Variants in XRCC4 observed in about 807,000 individuals in gnomAD.
XRCC4 encodes X-ray repair cross complementing 4.
In XRCC4, 28 loss-of-function variants were observed where a neutral mutation model predicts 39.1. The observed-to-expected ratio is 0.72, with a 90% CI of 0.53 to 0.98. The LOEUF is 0.98. Among genes scored for constraint, XRCC4 ranks in the 50% least tolerant of loss-of-function variants. XRCC4 has a pLI of 0.00. For missense variants in XRCC4, 350 were observed against 376.4 expected, an observed-to-expected ratio of 0.93 and a Z score of 0.58; for synonymous variants, 123 against 126.4, an observed-to-expected ratio of 0.97 and a Z score of 0.18.
chr5:83,193,273 T>TA (rs1042407899), intron 3 of XRCC4, among the ~76,000 whole-genome samples: 206 of 148,736 alleles, frequency 1.4e-3, no homozygotes, highest in African/African-American at 4.6e-3. Context: ...TTTTGAGAAT[T>TA]AAAAAAAAAA....
chr5:83,333,959 G>T (rs1017102357), intron 7 of XRCC4, among the ~76,000 whole-genome samples: 1 of 151,892 alleles, frequency 6.6e-6, no homozygotes. Flanking sequence ...TAGTAGAGAC[G>T]GGGTTTCACC....
intron 3 of XRCC4, among the ~76,000 whole-genome samples, chr5:83,189,863 G>A (rs143498311): frequency 0.026 from 3,998 of 152,098 alleles, 77 homozygotes; most frequent in Non-Finnish European, 0.04. Flanking sequence ...TCAGGAGTTC[G>A]AGACCAGCCT....
chr5:83,206,791 A>G (rs1255697381), intron 6 of XRCC4, among the ~76,000 whole-genome samples: 1 of 152,170 alleles, frequency 6.6e-6, no homozygotes, highest in Non-Finnish European at 1.5e-5. Context: ...CTCTAAAAAT[A>G]TAAGTGGATG....
chr5:83,173,070 G>T (rs1026601341), intron 3 of XRCC4, among the ~76,000 whole-genome samples: 5 of 151,972 alleles, frequency 3.3e-5, no homozygotes, highest in Admixed American at 3.3e-4. Flanking sequence ...TGAAATCCAT[G>T]TTTATGAAAA....
chr5:83,367,701 G>T, the XRCC4 span, among the ~76,000 whole-genome samples: 1 of 151,418 alleles, frequency 6.6e-6, no homozygotes, highest in South Asian at 2.1e-4. Context: ...TCTGAATCCA[G>T]TGGAGAAGAT....
chr5:83,126,365 G>A (rs72767146), intron 3 of XRCC4, among the ~76,000 whole-genome samples: 53,410 of 151,872 alleles, frequency 0.35, 10,021 homozygotes, highest in Non-Finnish European at 0.42. Context: ...TGTGTTAACC[G>A]TATATTCTCC....
At chr5:83,303,328 T>C (rs1298627038) in intron 7 of XRCC4, among the ~76,000 whole-genome samples, 2 of 152,180 alleles carry the variant, frequency 1.3e-5, no homozygotes, top group African/African-American at 4.8e-5. Flanking sequence ...GAAAGATATT[T>C]TTATTTATGC....
In XRCC4 at chr5:83,229,743, A is replaced by G. The variant is rs965101305; in HGVS notation, c.745+24822A>G. Among the ~76,000 whole-genome samples, 5 of 150,722 alleles carry G rather than the reference A, an allele frequency of 3.3e-5. 1 individual carries two copies. The highest frequency in any genetic ancestry group is 1.2e-4 in the African/African-American group (5 of 40,944). ...AACACCGAGTTAATAAAAACTAAACAGGTTTATTCTAAACTGTTTGGTCTT... is the reference window on the plus strand; with the variant it reads ...AACACCGAGTTAATAAAAACTAAACGGGTTTATTCTAAACTGTTTGGTCTT... On this transcript the variant is annotated intron_variant, in intron 6 of 7. Transcript: ENST00000396027.
the XRCC4 span, among the ~76,000 whole-genome samples, chr5:83,366,997 C>A: frequency 6.6e-6 from 1 of 152,158 alleles, no homozygotes; most frequent in African/African-American, 2.4e-5. Flanking sequence ...TCTGTTCTCA[C>A]CAGATTTTAA....
intron 3 of XRCC4, among the ~76,000 whole-genome samples, chr5:83,183,338 C>G (rs1313898560): frequency 6.6e-6 from 1 of 151,850 alleles, no homozygotes; most frequent in Non-Finnish European, 1.5e-5. Context: ...TCTGTCTCCT[C>G]TAACTCTACG....
chr5:83,304,492 C>T (rs1755409285), intron 7 of XRCC4, among the ~76,000 whole-genome samples: 1 of 152,116 alleles, frequency 6.6e-6, no homozygotes, highest in Admixed American at 6.6e-5. Flanking sequence ...TATTAGGCAC[C>T]TCTGTGTCAT....
At chr5:83,362,294 C>CAAAAAAAAAAAAAAAA in the XRCC4 span, among the ~76,000 whole-genome samples, 18 of 73,170 alleles carry the variant, frequency 2.5e-4, 2 homozygotes, top group East Asian at 6.5e-3. Flanking sequence ...GCTATTTAGG[C>CAAAAAAAAAAAAAAAA]AAAAAAAAAA....
intron 6 of XRCC4, among the ~76,000 whole-genome samples, chr5:83,219,955 T>G (rs1037370968): frequency 6.6e-6 from 1 of 152,130 alleles, no homozygotes; most frequent in African/African-American, 2.4e-5. Context: ...CTCATGCTGA[T>G]TTTGTGGTTC....
intron 7 of XRCC4, among the ~76,000 whole-genome samples, chr5:83,267,697 G>A (rs939933522): frequency 1.3e-5 from 2 of 152,250 alleles, no homozygotes; most frequent in African/African-American, 2.4e-5. Context: ...CTGGACTGTC[G>A]TGTGAGAAAA....
At chr5:83,166,589 A>C (rs1210295759) in intron 3 of XRCC4, among the ~76,000 whole-genome samples, 1 of 150,112 alleles carries the variant, frequency 6.7e-6, no homozygotes, top group Non-Finnish European at 1.5e-5. Flanking sequence ...TCAGCCTCCC[A>C]AGCAGCTGGG....
rs1284553171 is a variant in XRCC4 at position 83,204,973 on chromosome 5, T to G, written c.745+52T>G. On this transcript the variant is annotated intron_variant, in intron 6 of 7. Transcript: ENST00000396027. ...CTGTTGAATATCTTATTTGGGCTTC[T>G]TATTCTAATGACAAGAAACCATAAT... 3 of 1,239,424 alleles carry G rather than the reference T, an allele frequency of 2.4e-6. No individual in the cohort carries two copies. The Admixed American group carries it at 5.5e-5, about 23-fold the overall frequency. 76.8% of individuals were successfully genotyped at this position (1,239,424 alleles called of 1,614,324 possible). A position where few individuals can be genotyped will look rare whatever the true frequency, so the allele number is the denominator to read the frequency against.
intron 3 of XRCC4, among the ~76,000 whole-genome samples, chr5:83,182,950 G>A (rs530534654): frequency 4.6e-5 from 7 of 152,170 alleles, no homozygotes; most frequent in African/African-American, 1.4e-4. Flanking sequence ...TAAGGTATTT[G>A]GTTATCAGAG....
chr5:83,187,327 C>G (rs1445305628), intron 3 of XRCC4, among the ~76,000 whole-genome samples: 2 of 152,158 alleles, frequency 1.3e-5, no homozygotes, highest in Non-Finnish European at 2.9e-5. Context: ...GAACGTGTCT[C>G]TAATTTTAAG....
chr5:83,117,272 A>G (rs1746769560), intron 3 of XRCC4, among the ~76,000 whole-genome samples: 1 of 152,078 alleles, frequency 6.6e-6, no homozygotes, highest in South Asian at 2.1e-4. Context: ...GGAACTCCTC[A>G]TCTCTTCAGC....
Sources: gnomAD v4.1 joint callset for allele counts (sites outside exome capture counted in the v4.1 genomes callset) on GRCh38, gnomAD v4.1.1 for gene constraint, MANE v1.5 for transcripts, NCBI Gene and HGNC (gene_info 2026-07-23, HGNC 2026-07-21) for gene names.